USP20: variants seen among roughly 807,000 people sequenced by gnomAD.
USP20 encodes ubiquitin carboxyl-terminal hydrolase 20.
A neutral mutation model predicts 124.2 loss-of-function variants in USP20; 80 were observed. The observed-to-expected ratio is 0.64, with a 90% confidence interval of 0.54 to 0.78. The LOEUF is 0.78. Ranked by LOEUF, USP20 falls within the 30% of genes least tolerant of loss-of-function variation. USP20 has a pLI of 0.00. For synonymous variants in USP20, 481 were observed against 512.3 expected, an observed-to-expected ratio of 0.94 and a Z score of 0.83; for missense variants, 1,043 against 1,244.4, an observed-to-expected ratio of 0.84 and a Z score of 2.44.
intron 11 of USP20, 127 bp from the exon 12 acceptor site, chr9:129,868,735 A>T: frequency 6.9e-7 from 1 of 1,445,164 alleles, no homozygotes; most frequent in Non-Finnish European, 9.2e-7. Flanking sequence ...GAGTGGGCAC[A>T]TGACAGAGGA....
chr9:129,862,543 A>C, intron 8 of USP20, among the ~76,000 whole-genome samples: 1 of 92,560 alleles, frequency 1.1e-5, no homozygotes, highest in African/African-American at 3.9e-5. Context: ...ACAGAGCGAG[A>C]CTCCGTCTCA....
chr9:129,847,544 G>C (rs1398581215), intron 1 of USP20, among the ~76,000 whole-genome samples: 1 of 151,868 alleles, frequency 6.6e-6, no homozygotes, highest in Non-Finnish European at 1.5e-5. Context: ...CTCATGATCC[G>C]CCCGCCTCAG....
Position 129,876,162 on chromosome 9 carries a change from A to T in USP20, c.2333A>T (p.Tyr778Phe), listed in dbSNP as rs761254894. The change falls in exon 22 of 26, where the codon TAC becomes TTC. Residue 778 changes from tyrosine to phenylalanine, a missense_variant. By Grantham distance (22) the Tyr-to-Phe change is conservative. Transcript: ENST00000372429. ...GGTGGCCCCGCCGTGAACCACCTGT[A>T]CGTGTGCTCCATCTGCCAGGTGGAG... ...FGGGPAVNHL[Y>F]VCSICQVEIE... 7.4e-6 allele frequency: 12 copies of T among 1,613,408 alleles called. No homozygotes were observed. The East Asian group carries it at 2.5e-4, about 33-fold the overall frequency.
At chr9:129,862,848 A>G (rs1208734664) in intron 8 of USP20, among the ~76,000 whole-genome samples, 2 of 152,048 alleles carry the variant, frequency 1.3e-5, no homozygotes, top group African/African-American at 2.4e-5. Context: ...AGAGGTTGCA[A>G]TGAACCAAGA....
At chr9:129,835,749 A>G (rs2031774579) in intron 1 of USP20, 1 of 151,940 alleles carries the variant, frequency 6.6e-6, no homozygotes, top group African/African-American at 2.4e-5. Flanking sequence ...CTTCTCCAGA[A>G]CCGGGGCCGC....
chr9:129,875,387 GGTTCTAC>G lies in USP20; in HGVS notation c.2129_2135del (p.Phe710CysfsTer63), dbSNP rs2034342462. 6.2e-7 allele frequency: 1 copy of G among 1,613,446 alleles called. No individual in the cohort carries two copies. Among genetic ancestry groups the G allele is most frequent in the Non-Finnish European group, 8.5e-7 (1 of 1,179,944 alleles). On this transcript the variant is annotated frameshift_variant, in exon 20 of 26. Coordinates refer to ENST00000372429, the MANE Select transcript of USP20 (RefSeq NM_001110303.4). LOFTEE classifies it high-confidence loss of function. ...GCCATGCGGGAGCCCAGCCTGCTGC[GGTTCTAC>G]GTGTCCCGCGAGTGGCTCAACAAGT...
In USP20 at chr9:129,857,949, A is replaced by G. The variant is rs1588260804; in HGVS notation, c.136-101A>G. The G allele has an allele frequency of 1.2e-5, 13 of 1,059,738 alleles. No individual in the cohort carries two copies. The East Asian group carries it at 2.8e-4, about 23-fold the overall frequency. The allele number at this position is 1,059,738 out of a possible 1,614,324, so 65.6% of individuals were successfully genotyped here. ...CCTCAGTCCCTTGTGGCCCCTATTCAGGAGAGGTAGGGGCACTGACTTTGG... is the reference window on the plus strand; with the variant it reads ...CCTCAGTCCCTTGTGGCCCCTATTCGGGAGAGGTAGGGGCACTGACTTTGG... On this transcript the variant is annotated intron_variant, in intron 4 of 25. Transcript: ENST00000372429.
chr9:129,880,037 G>T, intron 24 of USP20, 76 bp from the exon 25 acceptor site: 4 of 1,552,356 alleles, frequency 2.6e-6, no homozygotes, highest in South Asian at 1.2e-5. Flanking sequence ...TGGCCCTGCG[G>T]AGCCCCCACT....
intron 11 of USP20, among the ~76,000 whole-genome samples, 168 bp downstream of exon 11, chr9:129,868,617 C>T (rs886287958): frequency 7.2e-5 from 11 of 152,260 alleles, no homozygotes; most frequent in Non-Finnish European, 1.6e-4. Flanking sequence ...CCCAGGGTCC[C>T]CTAGCTCATA....
intron 1 of USP20, among the ~76,000 whole-genome samples, chr9:129,848,577 C>T (rs547909317): frequency 2.6e-5 from 4 of 151,616 alleles, no homozygotes; most frequent in Admixed American, 2.0e-4. Context: ...TTCATGAACC[C>T]GGGAGGCAGA....
chr9:129,841,619 C>A (rs1478431222), intron 1 of USP20, among the ~76,000 whole-genome samples: 1 of 152,138 alleles, frequency 6.6e-6, no homozygotes, highest in African/African-American at 2.4e-5. Context: ...AGTTTCTCAG[C>A]CTTGGTGGAG....
At chr9:129,855,124 G>A (rs1369564106) in intron 3 of USP20, among the ~76,000 whole-genome samples, 1 of 152,204 alleles carries the variant, frequency 6.6e-6, no homozygotes, top group Non-Finnish European at 1.5e-5. Context: ...AGGGGATTAT[G>A]TGAGCAGTGT....
At chr9:129,845,351 A>C (rs1464533572) in intron 1 of USP20, among the ~76,000 whole-genome samples, 1 of 151,926 alleles carries the variant, frequency 6.6e-6, no homozygotes, top group Non-Finnish European at 1.5e-5. Flanking sequence ...CACTCTTCTT[A>C]TTTTCTTATT....
intron 20 of USP20, 23 bp from the exon 21 acceptor site, chr9:129,875,537 C>T (rs774331910): frequency 6.3e-5 from 101 of 1,613,724 alleles, no homozygotes; most frequent in Admixed American, 1.8e-4. Context: ...GCCACAGCTT[C>T]GCTCCCTGTA....
At position 129,874,995 on chromosome 9, in the gene USP20, C is replaced by A. The variant is rs746155295; in HGVS notation, c.2048+40C>A. 1.7e-5 allele frequency: 28 copies of A among 1,605,550 alleles called. No individual in the cohort carries two copies. In the Admixed American group the frequency reaches 4.5e-4, roughly 26 times the overall value. On this transcript the variant is annotated intron_variant, in intron 19 of 25. Transcript: ENST00000372429. ...AGGCCTGGTGGAGGAACCTCACCAT[C>A]CCCGTCCCCTGGGACCCATGGGCCT...
intron 1 of USP20, among the ~76,000 whole-genome samples, chr9:129,838,327 C>T (rs1043891761): frequency 5.3e-5 from 8 of 152,176 alleles, no homozygotes; most frequent in African/African-American, 1.9e-4. Context: ...CAGGTGTGAG[C>T]CACTGTGCCC....
At chr9:129,865,664 T>G (rs2033786651) in intron 10 of USP20, among the ~76,000 whole-genome samples, 1 of 152,178 alleles carries the variant, frequency 6.6e-6, no homozygotes. Context: ...GGGAATTCTT[T>G]TTTTTGTGGG....
At chr9:129,852,776 A>C in intron 3 of USP20, 140 bp downstream of exon 3, 1 of 898,086 alleles carries the variant, frequency 1.1e-6, no homozygotes, top group Non-Finnish European at 1.7e-6. Flanking sequence ...AAATGCTGGC[A>C]TCTGCTTGGG....
Position 129,880,455 on chromosome 9 carries a change from G to T in USP20, c.*17-12G>T. 1.2e-6 allele frequency: 1 copy of T among 807,524 alleles called. No individual in the cohort carries two copies. Among genetic ancestry groups the T allele is most frequent in the Non-Finnish European group, 1.9e-6 (1 of 528,302 alleles). The allele number at this position is 807,524 out of a possible 1,614,324, so 50.0% of individuals were successfully genotyped here. On this transcript the variant is annotated splice_polypyrimidine_tract_variant and intron_variant, in intron 25 of 25. Coordinates refer to ENST00000372429, the MANE Select transcript of USP20 (RefSeq NM_001110303.4). Reference sequence around the variant, plus strand: ...GGCCCGGCCCCACTGCTGAGTGCCCGTGTCCCCACAGCCCCATGTGCCCCA... The same window carrying T: ...GGCCCGGCCCCACTGCTGAGTGCCCTTGTCCCCACAGCCCCATGTGCCCCA...
Sources: gnomAD v4.1 joint callset for allele counts (sites outside exome capture counted in the v4.1 genomes callset) on GRCh38, gnomAD v4.1.1 for gene constraint, MANE v1.5 for transcripts, NCBI Gene and HGNC (gene_info 2026-07-23, HGNC 2026-07-21) for gene names.